Variants in CELF2 observed in about 807,000 individuals in gnomAD.
The protein encoded by CELF2 is CUG triplet repeat RNA-binding protein 2.
CELF2 carries 8 observed loss-of-function variants against 62.6 expected under a neutral mutation model. That is an observed-to-expected ratio of 0.13 (90% CI 0.07 to 0.23). The LOEUF (loss-of-function observed/expected upper bound fraction) is 0.23, where lower values mean the gene tolerates loss of function less well. Ranked by LOEUF, CELF2 falls within the 10% of genes least tolerant of loss-of-function variation. The pLI, the probability that CELF2 is intolerant of heterozygous loss-of-function variation, is 1.00. For synonymous variants in CELF2, 258 were observed against 250.0 expected, an observed-to-expected ratio of 1.03 and a Z score of -0.30; for missense variants, 333 against 671.0, an observed-to-expected ratio of 0.50 and a Z score of 5.56.
the CELF2 span, among the ~76,000 whole-genome samples, chr10:10,683,231 G>T: frequency 6.6e-6 from 1 of 152,178 alleles, no homozygotes; most frequent in Admixed American, 6.5e-5. Flanking sequence ...CATTCTCACA[G>T]AAAGTCTGTT....
the CELF2 span, among the ~76,000 whole-genome samples, chr10:10,641,019 G>C: frequency 2.0e-5 from 3 of 152,120 alleles, no homozygotes; most frequent in Non-Finnish European, 2.9e-5. Context: ...AAGAAGAAAA[G>C]TTTGCAAATC....
At chr10:10,834,197 AG>A (rs1159776319) in intron 1 of CELF2, among the ~76,000 whole-genome samples, 1 of 152,198 alleles carries the variant, frequency 6.6e-6, no homozygotes, top group African/African-American at 2.4e-5. Context: ...TCCTTAGCGA[AG>A]TAACTCAGGA....
intron 2 of CELF2, among the ~76,000 whole-genome samples, chr10:10,923,276 T>C (rs1290893109): frequency 1.3e-5 from 2 of 152,212 alleles, no homozygotes. Flanking sequence ...ACTAGTGATA[T>C]GTGGCTGGGA....
chr10:10,787,347 T>C, the CELF2 span, among the ~76,000 whole-genome samples: 1 of 152,362 alleles, frequency 6.6e-6, no homozygotes, highest in East Asian at 1.9e-4. Context: ...CAGTTGTTTT[T>C]ATGCTATCAA....
the CELF2 span, among the ~76,000 whole-genome samples, chr10:10,602,296 C>G: frequency 6.6e-6 from 1 of 152,092 alleles, no homozygotes; most frequent in African/African-American, 2.4e-5. Context: ...CTTTTAATTG[C>G]TCAGACCCTT....
At position 11,335,744 on chromosome 10, in the gene CELF2, G is replaced by A. The variant is rs1349907157; in HGVS notation, c.*6691G>A. ...GAGGGGGATGTTGGGAGGCATGGGG[G>A]GTGATTAAATTATCATTTCCAAGGT... is the stretch of plus-strand genomic sequence containing the variant. On this transcript the variant is annotated 3_prime_UTR_variant, in exon 13 of 13. Coordinates refer to ENST00000633077, the MANE Select transcript of CELF2 (RefSeq NM_001326342.2). The surrounding 1 kb of genome is among the most constrained non-coding windows in gnomAD (Gnocchi z 5.0). 6.6e-6 allele frequency: 1 copy of A among 151,716 alleles called. No individual in the cohort carries two copies. The highest frequency in any genetic ancestry group is 6.6e-5 in the Admixed American group (1 of 15,240). 9.4% of individuals were successfully genotyped at this position (151,716 alleles called of 1,614,324 possible). A position where few individuals can be genotyped will look rare whatever the true frequency, so the allele number is the denominator to read the frequency against.
chr10:11,062,735 A>G (rs1026873155), intron 1 of CELF2, among the ~76,000 whole-genome samples: 7 of 152,220 alleles, frequency 4.6e-5, no homozygotes, highest in African/African-American at 1.7e-4. Context: ...TGAAATGACA[A>G]AGGATTCATA....
At chr10:11,194,855 T>C (rs185874345) in intron 2 of CELF2, among the ~76,000 whole-genome samples, 97 of 152,352 alleles carry the variant, frequency 6.4e-4, no homozygotes, top group African/African-American at 2.1e-3. Context: ...TAATCCCTCA[T>C]ATTTTATAGT....
chr10:10,674,612 CT>C, the CELF2 span, among the ~76,000 whole-genome samples: 1 of 152,130 alleles, frequency 6.6e-6, no homozygotes, highest in Non-Finnish European at 1.5e-5. Flanking sequence ...TCTTCCACTT[CT>C]TTTCTGCATT....
chr10:10,836,386 G>T (rs2058287726), intron 1 of CELF2, among the ~76,000 whole-genome samples: 3 of 152,180 alleles, frequency 2.0e-5, no homozygotes, highest in Admixed American at 2.0e-4. Context: ...ATCAATAGCA[G>T]TGTTAAATTC....
intron 2 of CELF2, among the ~76,000 whole-genome samples, chr10:11,192,415 T>C (rs2076480198): frequency 6.6e-6 from 1 of 152,220 alleles, no homozygotes; most frequent in Admixed American, 6.5e-5. Flanking sequence ...CATGGCACTG[T>C]GTGCCACCAC....
At chr10:10,999,357 A>G (rs1475658091) in intron 2 of CELF2, among the ~76,000 whole-genome samples, 1 of 152,266 alleles carries the variant, frequency 6.6e-6, no homozygotes, top group Non-Finnish European at 1.5e-5. Context: ...CATGGAGGAA[A>G]CAGATAACAA....
intron 2 of CELF2, among the ~76,000 whole-genome samples, chr10:10,973,061 G>A (rs1219800736): frequency 9.2e-5 from 14 of 152,094 alleles, no homozygotes; most frequent in African/African-American, 2.4e-4. Context: ...AGGCCGAGGC[G>A]GGTGGGTCAC....
chr10:11,269,522 G>A lies in CELF2; in HGVS notation c.619-1144G>A, dbSNP rs537237580. On this transcript the variant is annotated intron_variant, in intron 6 of 12. Transcript: ENST00000633077. This position sits in a 1 kb window ranked among gnomAD's most constrained non-coding sequence, Gnocchi z 4.4. ...TAACATTTCTGAGAGGAGAGAGAGA[G>A]AGGTCTATTATCATGCTGAGTTTCA... Among the ~76,000 whole-genome samples, 64 of 152,210 alleles carry A rather than the reference G, an allele frequency of 4.2e-4. No individual in the cohort carries two copies. Among genetic ancestry groups the A allele is most frequent in the Admixed American group, 6.5e-4 (10 of 15,292 alleles).
At chr10:10,962,679 T>A (rs893384311) in intron 2 of CELF2, among the ~76,000 whole-genome samples, 1 of 152,210 alleles carries the variant, frequency 6.6e-6, no homozygotes, top group Non-Finnish European at 1.5e-5. Flanking sequence ...GAGCCATGAC[T>A]GGGCTGTTTC....
intron 1 of CELF2, among the ~76,000 whole-genome samples, chr10:10,864,790 C>T (rs1210099509): frequency 6.6e-6 from 1 of 152,176 alleles, no homozygotes; most frequent in Non-Finnish European, 1.5e-5. Flanking sequence ...CAGTTCATAA[C>T]CAACCAGCTT....
rs1479002338 is a variant in CELF2 at position 11,255,332 on chromosome 10, C to T, written c.404-2406C>T. ...AGTGGCTCAGGCCAGCTGATGCTTT[C>T]CTCACTGAGCTCCTTCTCTGCACAT... On this transcript the variant is annotated intron_variant, in intron 4 of 12. Coordinates refer to ENST00000633077, the MANE Select transcript of CELF2 (RefSeq NM_001326342.2). This position sits in a 1 kb window ranked among gnomAD's most constrained non-coding sequence, Gnocchi z 5.5. Among the ~76,000 whole-genome samples, 1 of 152,176 alleles carries T rather than the reference C, an allele frequency of 6.6e-6. No homozygotes were observed. The highest frequency in any genetic ancestry group is 1.9e-4 in the East Asian group (1 of 5,190).
At chr10:10,486,880 G>A in the CELF2 span, among the ~76,000 whole-genome samples, 1 of 152,104 alleles carries the variant, frequency 6.6e-6, no homozygotes, top group Admixed American at 6.6e-5. Flanking sequence ...TCCACTAAAG[G>A]TCAGGAAAGG....
chr10:10,640,461 T>C, the CELF2 span, among the ~76,000 whole-genome samples: 64 of 152,322 alleles, frequency 4.2e-4, no homozygotes, highest in African/African-American at 1.4e-3. Flanking sequence ...CAATATCCCC[T>C]TCCCCTCCTC....
Sources: allele counts gnomAD v4.1 joint callset (sites outside exome capture counted in the v4.1 genomes callset), GRCh38; gene constraint gnomAD v4.1.1; non-coding constraint Gnocchi (gnomAD v3.1); transcripts MANE v1.5; gene names NCBI Gene and HGNC (gene_info 2026-07-23, HGNC 2026-07-21).